ZFR2: variants seen among roughly 807,000 people sequenced by gnomAD.
ZFR2 encodes zinc finger RNA binding protein 2, also known as zinc finger RNA-binding protein 2.
ZFR2 carries 104 observed loss-of-function variants against 105.7 expected under a neutral mutation model. The observed-to-expected ratio is 0.98, with a 90% CI of 0.84 to 1.16. ZFR2 has a LOEUF of 1.16. Ranked by LOEUF, ZFR2 falls within the 50% of genes most tolerant of loss-of-function variation. The pLI, the probability that ZFR2 is intolerant of heterozygous loss-of-function variation, is 0.00. For synonymous variants in ZFR2, 634 were observed against 597.7 expected (o/e 1.06, Z -0.89); for missense variants, 1,425 against 1,355.5 (o/e 1.05, Z -0.80).
intron 1 of ZFR2, among the ~76,000 whole-genome samples, chr19:3,841,520 A>G (rs980365413): frequency 6.6e-6 from 1 of 152,090 alleles, no homozygotes; most frequent in East Asian, 1.9e-4. Context: ...CCCTGTCCCT[A>G]CAAAAAATAA....
intron 1 of ZFR2, among the ~76,000 whole-genome samples, chr19:3,848,523 C>A (rs1024735533): frequency 1.3e-5 from 2 of 150,490 alleles, no homozygotes; most frequent in African/African-American, 4.9e-5. Flanking sequence ...CCAGCCTGGG[C>A]AACATAGCAA....
chr19:3,809,932 G>A (rs1334142455), intron 16 of ZFR2, among the ~76,000 whole-genome samples: 1 of 152,140 alleles, frequency 6.6e-6, no homozygotes, highest in Admixed American at 6.5e-5. Context: ...CAACAAGAGC[G>A]AGACTCCATC....
In ZFR2 at chr19:3,827,609, C is replaced by T. The variant is rs1268920948; in HGVS notation, c.897G>A (p.Glu299=). ...GCTGCACGCCTGTCTTCTGGGCCGC[C>T]TCCTTCTTTCTGTGCTTCTGCCCTC... ...HLGGQKHRKK[E]AAQKTGVQPN... Residue 299 remains glutamate, a synonymous_variant, in exon 6 of 19, where the codon GAG becomes GAA. Transcript: ENST00000262961. The T allele has an allele frequency of 6.3e-7, 1 of 1,582,434 alleles. No individual in the cohort carries two copies. Among genetic ancestry groups the T allele is most frequent in the Admixed American group, 1.8e-5 (1 of 55,566 alleles).
At chr19:3,847,878 C>T (rs181930310) in intron 1 of ZFR2, among the ~76,000 whole-genome samples, 6 of 152,278 alleles carry the variant, frequency 3.9e-5, no homozygotes, top group East Asian at 1.9e-4. Context: ...CTCCTGGAGC[C>T]GGGACCACCC....
chr19:3,860,743 G>A (rs1051855132), intron 1 of ZFR2, among the ~76,000 whole-genome samples: 5 of 152,058 alleles, frequency 3.3e-5, no homozygotes, highest in Admixed American at 2.0e-4. Flanking sequence ...GGCTCACTAC[G>A]GCAACACCTT....
At chr19:3,808,210 T>C (rs2037723568) in intron 17 of ZFR2, among the ~76,000 whole-genome samples, 1 of 150,888 alleles carries the variant, frequency 6.6e-6, no homozygotes, top group Non-Finnish European at 1.5e-5. Flanking sequence ...TATGTGCGTG[T>C]GTGCCCGTGC....
At chr19:3,818,082 T>G (rs977303705) in intron 12 of ZFR2, among the ~76,000 whole-genome samples, 11 of 152,160 alleles carry the variant, frequency 7.2e-5, no homozygotes, top group Non-Finnish European at 4.4e-5. Context: ...TGGACAGGGG[T>G]GTAGTTTGCA....
intron 11 of ZFR2, 128 bp from the exon 12 acceptor site, chr19:3,819,363 G>A: frequency 1.0e-6 from 1 of 992,700 alleles, no homozygotes; most frequent in Non-Finnish European, 1.4e-6. Flanking sequence ...GGCCAGGTGA[G>A]AATCCAGTGC....
Position 3,825,389 on chromosome 19 carries a change from T to A in ZFR2, c.1054A>T (p.Lys352Ter). The A allele has an allele frequency of 6.3e-7, 1 of 1,584,174 alleles. No individual in the cohort carries two copies. Among genetic ancestry groups the A allele is most frequent in the African/African-American group, 1.3e-5 (1 of 74,210 alleles). The change falls in exon 7 of 19, where the codon AAA becomes TAA. Residue 352 changes from lysine (K) to a stop codon, truncating the protein, a stop_gained. Coordinates refer to ENST00000262961, the MANE Select transcript of ZFR2 (RefSeq NM_015174.2). LOFTEE classifies it high-confidence loss of function. ...KHQKVFKLHA[K>*]LGKPIPTLEP... ...AGGGTGGGAATGGGCTTCCCCAGTT[T>A]GGCGTGCAGCTTGAAGACCTGCAAC...
chr19:3,855,566 G>T, intron 1 of ZFR2: 1 of 703,388 alleles, frequency 1.4e-6, no homozygotes, highest in Non-Finnish European at 2.0e-6. Flanking sequence ...GGTGCTGCGC[G>T]ATAGTCCAGG....
chr19:3,808,900 C>G lies in ZFR2; in HGVS notation c.2517G>C (p.Glu839Asp), dbSNP rs2037732079. ...GPGDAVRRVL[E>D]CVATGTLLTD... ...TCAGGAGCGTCCCTGTGGCCACGCA[C>G]TCCAGGACTCGCCTGACTGCATCCC... is the stretch of plus-strand genomic sequence containing the variant. The change falls in exon 17 of 19, where the codon GAG (glutamate) becomes GAC (aspartate). Residue 839 changes from glutamate to aspartate, a missense_variant. Physicochemically the swap from Glu to Asp is conservative, Grantham distance 45 (BLOSUM62 2). Coordinates refer to ENST00000262961, the MANE Select transcript of ZFR2 (RefSeq NM_015174.2). 1 of 1,562,052 alleles carries G rather than the reference C, an allele frequency of 6.4e-7. No individual in the cohort carries two copies. Among genetic ancestry groups the G allele is most frequent in the African/African-American group, 1.4e-5 (1 of 73,700 alleles).
Position 3,825,289 on chromosome 19 carries a change from C to T in ZFR2, c.1154G>A (p.Cys385Tyr). The change falls in exon 7 of 19, where the codon TGT becomes TAT. Residue 385 changes from cysteine to tyrosine, a missense_variant. Coordinates refer to ENST00000262961, the MANE Select transcript of ZFR2 (RefSeq NM_015174.2). The stretch of plus-strand genomic sequence containing the variant: ...GGCCAGCGCTGGCCTGCTCGAGGCA[C>T]ACACGCTGGGGCCAGTGGGGGACGT... ...KPTSPTGPSVCASSRPALAKR... is the reference protein window; with the variant it reads ...KPTSPTGPSVYASSRPALAKR... 1 of 1,577,262 alleles carries T rather than the reference C, an allele frequency of 6.3e-7. No homozygotes were observed. Among genetic ancestry groups the T allele is most frequent in the Non-Finnish European group, 8.6e-7 (1 of 1,168,196 alleles).
intron 6 of ZFR2, among the ~76,000 whole-genome samples, chr19:3,826,293 G>C (rs1417506248): frequency 6.6e-6 from 1 of 152,104 alleles, no homozygotes; most frequent in Non-Finnish European, 1.5e-5. Flanking sequence ...CAGGCAGCTG[G>C]GGGAGAGAAG....
chr19:3,832,025 C>T (rs1162582900), intron 3 of ZFR2, 147 bp from the exon 4 acceptor site: 5 of 597,476 alleles, frequency 8.4e-6, no homozygotes, highest in Admixed American at 3.6e-5. Context: ...GTGCTGGCAG[C>T]GACTCGCAGG....
chr19:3,855,647 G>C (rs1481320804), intron 1 of ZFR2: 2 of 399,478 alleles, frequency 5.0e-6, no homozygotes, highest in Non-Finnish European at 8.7e-6. Context: ...GACGCGGCAA[G>C]GGGGTGTGAG....
At chr19:3,809,958 T>A (rs10420372) in intron 16 of ZFR2, among the ~76,000 whole-genome samples, 12,046 of 151,064 alleles carry the variant, frequency 0.08, 1,263 homozygotes, top group African/African-American at 0.25. Flanking sequence ...AAAATGATTT[T>A]AAAAAAAAGT....
At chr19:3,842,969 G>A (rs1207164341) in intron 1 of ZFR2, among the ~76,000 whole-genome samples, 4 of 152,110 alleles carry the variant, frequency 2.6e-5, no homozygotes, top group Admixed American at 2.0e-4. Context: ...CCCAGCAGAA[G>A]GGAAAATGTA....
At position 3,836,230 on chromosome 19, in the gene ZFR2, A is replaced by G. The variant is rs568268506; in HGVS notation, c.54-1247T>C. Among the ~76,000 whole-genome samples, 33 of 152,306 alleles carry G rather than the reference A, an allele frequency of 2.2e-4. No homozygotes were observed. The South Asian group carries it at 6.8e-3, about 32-fold the overall frequency. The stretch of plus-strand genomic sequence containing the variant: ...AAAACCCCATACATGTTCAGTACAG[A>G]TGCATTTTTTTCCCAAATATTTTCC... On this transcript the variant is annotated intron_variant, in intron 1 of 18. Transcript: ENST00000262961.
chr19:3,807,520 TG>T, intron 17 of ZFR2, among the ~76,000 whole-genome samples: 1 of 152,044 alleles, frequency 6.6e-6, no homozygotes, highest in East Asian at 1.9e-4. Context: ...TGTGTGTTCG[TG>T]CCTGTGTGCA....
Sources: gnomAD v4.1 joint callset for allele counts (sites outside exome capture counted in the v4.1 genomes callset) on GRCh38, gnomAD v4.1.1 for gene constraint, MANE v1.5 for transcripts, NCBI Gene and HGNC (gene_info 2026-07-23, HGNC 2026-07-21) for gene names.